The following ADGRL3 variants were observed in gnomAD, a reference collection of about 807,000 sequenced individuals.
ADGRL3 encodes calcium-independent alpha-latrotoxin receptor 3.
In ADGRL3, 62 loss-of-function variants were observed where a neutral mutation model predicts 153.5. The ratio of observed to expected loss-of-function variants is 0.40; its 90% confidence interval spans 0.33 to 0.50. ADGRL3 has a LOEUF of 0.50. Ranked by LOEUF, ADGRL3 falls within the 20% of genes least tolerant of loss-of-function variation. The pLI is 0.47. For missense variants in ADGRL3, 1,641 were observed against 1,859.4 expected (o/e 0.88, Z 2.16); for synonymous variants, 710 against 672.5 (o/e 1.06, Z -0.86).
intron 22 of ADGRL3, 28 bp from the exon 23 acceptor site, chr4:62,031,414 A>G (rs1172895992): frequency 2.0e-6 from 3 of 1,537,702 alleles, no homozygotes; most frequent in African/African-American, 1.4e-5. Context: ...ATTATTTAAT[A>G]ACCCTTAATT....
intron 17 of ADGRL3, among the ~76,000 whole-genome samples, chr4:61,959,552 T>C (rs1046574266): frequency 2.0e-5 from 3 of 152,136 alleles, no homozygotes; most frequent in African/African-American, 7.2e-5. Flanking sequence ...AAATGTAGGA[T>C]TGATTCAAAA....
intron 1 of ADGRL3, among the ~76,000 whole-genome samples, chr4:61,251,866 T>TG: frequency 8.3e-6 from 1 of 120,426 alleles, no homozygotes; most frequent in East Asian, 2.5e-4. Flanking sequence ...ATCCTAAGAT[T>TG]CTTTTTTTTT....
At chr4:61,605,773 CT>C (rs1441320039) in intron 5 of ADGRL3, among the ~76,000 whole-genome samples, 1 of 152,108 alleles carries the variant, frequency 6.6e-6, no homozygotes, top group Admixed American at 6.6e-5. Flanking sequence ...TTATGAAAAG[CT>C]TATGTATGTG....
intron 9 of ADGRL3, among the ~76,000 whole-genome samples, chr4:61,840,883 G>T (rs1211946561): frequency 6.6e-6 from 1 of 152,114 alleles, no homozygotes; most frequent in African/African-American, 2.4e-5. Context: ...GTTTTTGTTT[G>T]CTTGGTTTTG....
chr4:61,205,342 T>G (rs1736618058), intron 1 of ADGRL3, among the ~76,000 whole-genome samples: 1 of 152,176 alleles, frequency 6.6e-6, no homozygotes, highest in African/African-American at 2.4e-5. Flanking sequence ...ATTTTCATAT[T>G]TAGGATCAAA....
At chr4:61,563,108 A>C (rs2149005004) in intron 4 of ADGRL3, among the ~76,000 whole-genome samples, 1 of 152,262 alleles carries the variant, frequency 6.6e-6, no homozygotes, top group Non-Finnish European at 1.5e-5. Context: ...GTATTTTTAA[A>C]ATAATAACAC....
At chr4:61,957,633 A>G (rs751464935) in intron 17 of ADGRL3, among the ~76,000 whole-genome samples, 5 of 151,210 alleles carry the variant, frequency 3.3e-5, no homozygotes, top group Non-Finnish European at 5.9e-5. Context: ...TTACATTTAT[A>G]TAGTAGTTTA....
intron 4 of ADGRL3, among the ~76,000 whole-genome samples, chr4:61,546,474 A>G (rs888378555): frequency 5.3e-5 from 8 of 152,184 alleles, no homozygotes; most frequent in Admixed American, 1.3e-4. Context: ...CTACTCCAAG[A>G]TTATTATTTC....
At chr4:61,912,429 T>C (rs1307259321) in intron 12 of ADGRL3, among the ~76,000 whole-genome samples, 1 of 152,176 alleles carries the variant, frequency 6.6e-6, no homozygotes. Flanking sequence ...ATGAAGTATA[T>C]TGATTTTTAC....
chr4:61,310,611 A>G (rs1206452159), intron 1 of ADGRL3, among the ~76,000 whole-genome samples: 1 of 152,166 alleles, frequency 6.6e-6, no homozygotes, highest in Non-Finnish European at 1.5e-5. Context: ...TTGAAATTGC[A>G]AGATCAAATC....
intron 9 of ADGRL3, among the ~76,000 whole-genome samples, chr4:61,840,457 T>C (rs1193410782): frequency 6.6e-6 from 1 of 152,234 alleles, no homozygotes; most frequent in East Asian, 1.9e-4. Flanking sequence ...GTAACTCCAT[T>C]GGTTTGTACT....
intron 2 of ADGRL3, among the ~76,000 whole-genome samples, chr4:61,468,660 A>G (rs1238753941): frequency 6.6e-6 from 1 of 152,106 alleles, no homozygotes; most frequent in Non-Finnish European, 1.5e-5. Flanking sequence ...GCTGGAAAAT[A>G]GGACTAAGAT....
chr4:61,567,604 A>G (rs1345083707), intron 4 of ADGRL3, among the ~76,000 whole-genome samples: 1 of 152,160 alleles, frequency 6.6e-6, no homozygotes, highest in Non-Finnish European at 1.5e-5. Flanking sequence ...TGAGAAGTAC[A>G]TGTCTGCAGT....
intron 1 of ADGRL3, among the ~76,000 whole-genome samples, chr4:61,263,365 A>C (rs2092660513): frequency 6.6e-6 from 1 of 150,982 alleles, no homozygotes; most frequent in African/African-American, 2.4e-5. Context: ...GCTATTCCTA[A>C]TGGGGAGAAA....
intron 1 of ADGRL3, among the ~76,000 whole-genome samples, chr4:61,267,811 T>C (rs900888807): frequency 7.4e-5 from 10 of 135,974 alleles, no homozygotes; most frequent in African/African-American, 2.7e-4. Flanking sequence ...AGTTAGGGTA[T>C]GGAGAGTTTT....
intron 1 of ADGRL3, among the ~76,000 whole-genome samples, chr4:61,326,154 C>T (rs545310331): frequency 8.5e-4 from 129 of 152,150 alleles, no homozygotes; most frequent in African/African-American, 3.1e-3. Context: ...TATATGTATG[C>T]TGTTAATGCA....
rs1030844826 is a variant in ADGRL3, at chr4:61,933,097, A to T, written c.2113-1743A>T. Among the ~76,000 whole-genome samples, 16 of 152,116 alleles carry T rather than the reference A, an allele frequency of 1.1e-4. No individual in the cohort carries two copies. In the East Asian group the frequency reaches 3.1e-3, roughly 29 times the overall value. ...ATAAGATTATTAACTAACTATTAAG[A>T]TTATCAGCAGCTAAAATGGCTGCTC... On this transcript the variant is annotated intron_variant, in intron 13 of 26. Transcript: ENST00000683033.
chr4:61,762,353 C>T (rs1204341157), intron 8 of ADGRL3, among the ~76,000 whole-genome samples: 1 of 152,030 alleles, frequency 6.6e-6, no homozygotes, highest in Non-Finnish European at 1.5e-5. Context: ...AATTCAGTAT[C>T]TCAAATAAAT....
intron 3 of ADGRL3, among the ~76,000 whole-genome samples, chr4:61,505,027 T>A (rs2152841661): frequency 6.6e-6 from 1 of 152,286 alleles, no homozygotes; most frequent in East Asian, 1.9e-4. Context: ...TTGAGGGACC[T>A]TCATGCTGTT....
Sources: gnomAD v4.1 joint callset for allele counts (sites outside exome capture counted in the v4.1 genomes callset) on GRCh38, gnomAD v4.1.1 for gene constraint, MANE v1.5 for transcripts, NCBI Gene and HGNC (gene_info 2026-07-23, HGNC 2026-07-21) for gene names.